TOGARAM2: variants seen among roughly 807,000 people sequenced by gnomAD.
TOGARAM2 encodes the protein TOG array regulator of axonemal microtubules 2.
In TOGARAM2, 85 loss-of-function variants were observed where a neutral mutation model predicts 93.3. The ratio of observed to expected loss-of-function variants is 0.91; its 90% CI spans 0.76 to 1.09. The LOEUF is 1.09. Among genes scored for constraint, TOGARAM2 ranks in the 50% least tolerant of loss-of-function variants. The pLI is 0.00. For missense variants in TOGARAM2, 1,277 were observed against 1,334.5 expected (o/e 0.96, Z 0.67); for synonymous variants, 593 against 552.8 (o/e 1.07, Z -1.02).
rs202118942 is a variant in TOGARAM2, at chr2:29,002,723, C to A, written c.615C>A (p.His205Gln). 2 of 1,613,744 alleles carry A rather than the reference C, an allele frequency of 1.2e-6. No individual in the cohort carries two copies. The highest frequency in any genetic ancestry group is 2.2e-5 in the East Asian group (1 of 44,874). Residue 205 changes from histidine (H) to glutamine (Q), a missense_variant, in exon 5 of 20, where the codon CAC becomes CAA. Physicochemically the swap from His to Gln is conservative, Grantham distance 24 (BLOSUM62 0). Transcript: ENST00000379558. ...LDLPGSIPGP[H>Q]ELRPGAQEAQ... ...TACCGGGGAGCATTCCGGGTCCTCA[C>A]GAGTTGAGACCCGGTGCTCAGGAGG...
intron 13 of TOGARAM2, among the ~76,000 whole-genome samples, chr2:29,024,982 C>T (rs1394724807): frequency 2.0e-5 from 3 of 152,170 alleles, no homozygotes; most frequent in Non-Finnish European, 4.4e-5. Context: ...CATTAAACAC[C>T]CACACTAAAA....
chr2:29,006,051 G>A (rs1227004747), intron 6 of TOGARAM2, among the ~76,000 whole-genome samples: 1 of 63,296 alleles, frequency 1.6e-5, no homozygotes, highest in Non-Finnish European at 5.0e-5. Flanking sequence ...CATGTGTGGA[G>A]TGTGTGTGTA....
intron 1 of TOGARAM2, among the ~76,000 whole-genome samples, chr2:28,963,637 G>A (rs938155162): frequency 2.0e-5 from 3 of 152,144 alleles, no homozygotes; most frequent in Non-Finnish European, 4.4e-5. Context: ...CTCCCGCCTT[G>A]GCTTCCCAAC....
chr2:29,000,773 G>T (rs898254509), intron 4 of TOGARAM2, among the ~76,000 whole-genome samples: 1 of 152,084 alleles, frequency 6.6e-6, no homozygotes, highest in Non-Finnish European at 1.5e-5. Context: ...GGGGAGCCCA[G>T]GACAATGCCA....
At chr2:28,986,682 C>T (rs1197850595) in intron 1 of TOGARAM2, among the ~76,000 whole-genome samples, 1 of 152,210 alleles carries the variant, frequency 6.6e-6, no homozygotes, top group African/African-American at 2.4e-5. Flanking sequence ...CTCCGTGTTG[C>T]TGTCCAGCCT....
intron 1 of TOGARAM2, among the ~76,000 whole-genome samples, chr2:28,964,683 C>T (rs1169863096): frequency 6.6e-6 from 1 of 151,380 alleles, no homozygotes; most frequent in East Asian, 1.9e-4. Context: ...TGTTCCCTTC[C>T]CTGTGTCCAT....
At chr2:28,992,657 C>T (rs778707820) in intron 1 of TOGARAM2, among the ~76,000 whole-genome samples, 26 of 152,190 alleles carry the variant, frequency 1.7e-4, no homozygotes, top group Non-Finnish European at 7.3e-5. Flanking sequence ...GAAACTGAAG[C>T]AGCAATGACC....
At chr2:28,967,062 T>C (rs1247823255) in intron 1 of TOGARAM2, among the ~76,000 whole-genome samples, 1 of 152,216 alleles carries the variant, frequency 6.6e-6, no homozygotes, top group East Asian at 1.9e-4. Flanking sequence ...AGCGGCAGCT[T>C]TTACATTACA....
chr2:28,964,898 A>T (rs1289800442), intron 1 of TOGARAM2, among the ~76,000 whole-genome samples: 1 of 152,128 alleles, frequency 6.6e-6, no homozygotes, highest in Non-Finnish European at 1.5e-5. Flanking sequence ...ACGGATGGGC[A>T]TTTGGGTTGA....
At chr2:28,973,220 G>A (rs1022484332) in intron 1 of TOGARAM2, among the ~76,000 whole-genome samples, 1 of 152,088 alleles carries the variant, frequency 6.6e-6, no homozygotes, top group African/African-American at 2.4e-5. Context: ...CACCTCCCCC[G>A]AGGCTCTATC....
chr2:29,010,090 A>C (rs898561576), intron 6 of TOGARAM2, among the ~76,000 whole-genome samples: 1 of 151,876 alleles, frequency 6.6e-6, no homozygotes, highest in African/African-American at 2.4e-5. Context: ...GCTGCAGCTC[A>C]GGGCCCCAGG....
At chr2:28,973,066 T>C (rs954343024) in intron 1 of TOGARAM2, among the ~76,000 whole-genome samples, 1 of 152,174 alleles carries the variant, frequency 6.6e-6, no homozygotes, top group African/African-American at 2.4e-5. Context: ...TCGCTGTTGC[T>C]CATGTGATGT....
chr2:29,028,448 C>G (rs1414988898), intron 14 of TOGARAM2, among the ~76,000 whole-genome samples: 5 of 152,198 alleles, frequency 3.3e-5, no homozygotes, highest in African/African-American at 4.8e-5. Flanking sequence ...TGCCTGGGGT[C>G]CACATCTGCC....
chr2:28,959,457 TAAAAG>T (rs977498803), intron 1 of TOGARAM2, among the ~76,000 whole-genome samples: 8 of 152,006 alleles, frequency 5.3e-5, no homozygotes, highest in African/African-American at 1.9e-4. Context: ...ACAGAAAAGT[TAAAAG>T]AATAGTATAG....
Position 28,970,726 on chromosome 2 carries a change from C to G in TOGARAM2, c.-147+14029C>G, listed in dbSNP as rs540074568. ...ACCTGCGCCCACTCTATTGGCTGAC[C>G]TGAGCTTGCTGTCAAACTCTGTCCC... On this transcript the variant is annotated intron_variant, in intron 1 of 6. Transcript: ENST00000401723. 1.2e-4 allele frequency among the ~76,000 whole-genome samples: 19 copies of G among 152,332 alleles called. No individual in the cohort carries two copies. In the East Asian group the frequency reaches 3.7e-3, roughly 29 times the overall value.
At chr2:28,973,956 T>A (rs1671990583) in intron 1 of TOGARAM2, among the ~76,000 whole-genome samples, 1 of 152,188 alleles carries the variant, frequency 6.6e-6, no homozygotes, top group African/African-American at 2.4e-5. Flanking sequence ...AGATTTGTTT[T>A]TCTTTCAATA....
intron 18 of TOGARAM2, among the ~76,000 whole-genome samples, chr2:29,037,044 G>A (rs1666157104): frequency 6.6e-6 from 1 of 152,148 alleles, no homozygotes; most frequent in African/African-American, 2.4e-5. Context: ...GGGTCACAAA[G>A]CACCCCAGTG....
rs201309222 is a variant in TOGARAM2 at position 29,002,713 on chromosome 2, C to T, written c.605C>T (p.Pro202Leu). 76 of 1,613,854 alleles carry T rather than the reference C, an allele frequency of 4.7e-5. No individual in the cohort carries two copies. Among genetic ancestry groups the T allele is most frequent in the Middle Eastern group, 1.6e-4 (1 of 6,062 alleles). ...EKGLDLPGSI[P>L]GPHELRPGAQ... is the part of the protein sequence containing the mutation. ...GGCCTGGACCTACCGGGGAGCATTC[C>T]GGGTCCTCACGAGTTGAGACCCGGT... is the stretch of plus-strand genomic sequence containing the variant. Residue 202 changes from proline to leucine, a missense_variant, in exon 5 of 20, where the codon CCG becomes CTG. By Grantham distance (98) the Pro-to-Leu change is moderately conservative. Coordinates refer to ENST00000379558, the MANE Select transcript of TOGARAM2 (RefSeq NM_199280.4).
At chr2:29,030,475 C>T (rs149618183) in intron 14 of TOGARAM2, among the ~76,000 whole-genome samples, 4 of 151,882 alleles carry the variant, frequency 2.6e-5, no homozygotes, top group East Asian at 1.9e-4. Context: ...AAAAAAAGGA[C>T]GTAGAAGGTT....
Sources: allele counts gnomAD v4.1 joint callset (sites outside exome capture counted in the v4.1 genomes callset), GRCh38; gene constraint gnomAD v4.1.1; transcripts MANE v1.5; gene names NCBI Gene and HGNC (gene_info 2026-07-23, HGNC 2026-07-21).